The following IMMP2L variants were observed in gnomAD, a reference collection of about 807,000 sequenced individuals.
The protein encoded by IMMP2L is mitochondrial inner membrane protease subunit 2.
IMMP2L carries 18 observed loss-of-function variants against 19.3 expected under a neutral mutation model. The observed-to-expected ratio is 0.93, with a 90% confidence interval of 0.64 to 1.38. The LOEUF (loss-of-function observed/expected upper bound fraction) is 1.38, where lower values mean the gene tolerates loss of function less well. Among genes scored for constraint, IMMP2L ranks in the 40% most tolerant of loss-of-function variants. The pLI is 0.00. For missense variants in IMMP2L, 233 were observed against 218.2 expected (o/e 1.07, Z -0.43); for synonymous variants, 76 against 73.0 (o/e 1.04, Z -0.21).
chr7:111,560,911 A>G (rs1311788183), intron 1 of IMMP2L, among the ~76,000 whole-genome samples: 1 of 152,250 alleles, frequency 6.6e-6, no homozygotes, highest in Non-Finnish European at 1.5e-5. Flanking sequence ...GGCAGCCAGT[A>G]TCAGAATAGG....
chr7:110,999,044 T>G (rs1306246497), intron 3 of IMMP2L, among the ~76,000 whole-genome samples: 1 of 152,112 alleles, frequency 6.6e-6, no homozygotes, highest in Non-Finnish European at 1.5e-5. Context: ...AGTTGGAAAA[T>G]AGATTTTTCT....
At chr7:110,856,482 C>T (rs1311685080) in intron 5 of IMMP2L, among the ~76,000 whole-genome samples, 7 of 151,930 alleles carry the variant, frequency 4.6e-5, no homozygotes, top group Non-Finnish European at 1.0e-4. Flanking sequence ...GCTTCCATAT[C>T]CTGGTGATGT....
chr7:110,874,601 C>T (rs1330171322), intron 5 of IMMP2L, among the ~76,000 whole-genome samples: 1 of 151,898 alleles, frequency 6.6e-6, no homozygotes, highest in Non-Finnish European at 1.5e-5. Flanking sequence ...TAAAAAAATA[C>T]TTCTTAAGGT....
chr7:111,132,348 A>G (rs2129594315), intron 3 of IMMP2L, among the ~76,000 whole-genome samples: 1 of 152,144 alleles, frequency 6.6e-6, no homozygotes, highest in East Asian at 1.9e-4. Context: ...TTACAGGAAA[A>G]TACAGAATGG....
intron 3 of IMMP2L, among the ~76,000 whole-genome samples, chr7:111,117,988 T>C (rs1284928213): frequency 6.6e-6 from 1 of 152,086 alleles, no homozygotes; most frequent in Non-Finnish European, 1.5e-5. Context: ...ATCTTCTTAC[T>C]CACATGTCCT....
rs577178816 is a variant in IMMP2L at position 111,055,595 on chromosome 7, T to C, written c.240-92030A>G. 3.9e-5 allele frequency among the ~76,000 whole-genome samples: 6 copies of C among 152,344 alleles called. No individual in the cohort carries two copies. In the South Asian group the frequency reaches 8.3e-4, roughly 21 times the overall value. On this transcript the variant is annotated intron_variant, in intron 3 of 5. Coordinates refer to ENST00000405709, the MANE Select transcript of IMMP2L (RefSeq NM_032549.4). ...TCTAATTTTCTTTGACCCCTGTCTG[T>C]TGTCAAACTGCTTTCGTAGGCTGGA...
rs1244854165 is a variant in IMMP2L at position 110,736,434 on chromosome 7, A to ATT, written c.409-72714_409-72713insAA. On this transcript the variant is annotated intron_variant, in intron 5 of 5. Transcript: ENST00000405709. ...GGCAGGACTACTTCCAAGACCCTGG[A>ATT]CCAGCAGAGCCACCAGCATGTAATT... Among the ~76,000 whole-genome samples, 16 of 152,278 alleles carry ATT rather than the reference A, an allele frequency of 1.1e-4. No individual in the cohort carries two copies. The East Asian group carries it at 3.1e-3, about 29-fold the overall frequency.
At chr7:110,735,682 ACACAC>A (rs1796579897) in intron 5 of IMMP2L, among the ~76,000 whole-genome samples, 1 of 3,928 alleles carries the variant, frequency 2.5e-4, no homozygotes, top group Non-Finnish European at 7.2e-4. Flanking sequence ...GTAGACAAAT[ACACAC>A]ACACACACAC....
At chr7:111,073,059 C>A (rs1795095400) in intron 3 of IMMP2L, among the ~76,000 whole-genome samples, 1 of 152,082 alleles carries the variant, frequency 6.6e-6, no homozygotes, top group Admixed American at 6.6e-5. Flanking sequence ...GATAATAGCA[C>A]TGTACTGATG....
At chr7:110,890,689 C>A (rs258982) in intron 4 of IMMP2L, among the ~76,000 whole-genome samples, 12 of 151,766 alleles carry the variant, frequency 7.9e-5, no homozygotes, top group Admixed American at 7.9e-4. Flanking sequence ...CTATGACTTG[C>A]AAATAATTTT....
chr7:111,551,733 G>T (rs11983214), intron 1 of IMMP2L, among the ~76,000 whole-genome samples: 3,055 of 152,162 alleles, frequency 0.02, 105 homozygotes, highest in African/African-American at 0.07. Context: ...TTCATCTGAA[G>T]TTTCAGGGAA....
At chr7:110,833,544 C>A (rs73194890) in intron 5 of IMMP2L, among the ~76,000 whole-genome samples, 1 of 151,646 alleles carries the variant, frequency 6.6e-6, no homozygotes, top group Non-Finnish European at 1.5e-5. Flanking sequence ...GGGGGGATGG[C>A]TGATTTTTAG....
chr7:111,281,012 G>T (rs564147869), intron 3 of IMMP2L, among the ~76,000 whole-genome samples: 5 of 151,832 alleles, frequency 3.3e-5, no homozygotes, highest in Admixed American at 2.0e-4. Flanking sequence ...AGAGCTTGCT[G>T]TGAGTGGAGA....
chr7:111,007,429 C>T (rs1167684178), intron 3 of IMMP2L, among the ~76,000 whole-genome samples: 5 of 152,116 alleles, frequency 3.3e-5, no homozygotes, highest in African/African-American at 7.2e-5. Flanking sequence ...TCACTCTCTC[C>T]TTGATATGTG....
At chr7:111,237,041 T>A (rs1814409910) in intron 3 of IMMP2L, among the ~76,000 whole-genome samples, 1 of 152,130 alleles carries the variant, frequency 6.6e-6, no homozygotes, top group South Asian at 2.1e-4. Context: ...AACAGTGACG[T>A]TTCCATAACA....
At chr7:111,208,859 A>C (rs1467493549) in intron 3 of IMMP2L, among the ~76,000 whole-genome samples, 1 of 152,186 alleles carries the variant, frequency 6.6e-6, no homozygotes, top group African/African-American at 2.4e-5. Flanking sequence ...TCAAATAATT[A>C]GACTTGGGAG....
chr7:110,926,485 A>T (rs1342662075), intron 4 of IMMP2L, among the ~76,000 whole-genome samples: 1 of 152,114 alleles, frequency 6.6e-6, no homozygotes, highest in Admixed American at 6.6e-5. Flanking sequence ...ATTTACTTTT[A>T]TTCATTATTC....
At chr7:111,336,838 CTT>C (rs78425646) in intron 3 of IMMP2L, among the ~76,000 whole-genome samples, 3 of 140,230 alleles carry the variant, frequency 2.1e-5, no homozygotes, top group Admixed American at 7.2e-5. Flanking sequence ...CAGAAGTAGA[CTT>C]TTTTTTTTTT....
chr7:110,926,871 T>C (rs1814912866), intron 4 of IMMP2L, among the ~76,000 whole-genome samples: 1 of 152,166 alleles, frequency 6.6e-6, no homozygotes, highest in Non-Finnish European at 1.5e-5. Flanking sequence ...ATTTACTTGT[T>C]ATCCCCAAGA....
Sources: gnomAD v4.1 joint callset for allele counts (sites outside exome capture counted in the v4.1 genomes callset) on GRCh38, gnomAD v4.1.1 for gene constraint, MANE v1.5 for transcripts, NCBI Gene and HGNC (gene_info 2026-07-23, HGNC 2026-07-21) for gene names.